Variants in FBXO15 observed in about 807,000 individuals in gnomAD.
FBXO15 encodes F-box protein 15.
Under a neutral mutation model 49.5 loss-of-function variants are expected in FBXO15, and 30 were observed. The ratio of observed to expected loss-of-function variants is 0.61; its 90% CI spans 0.45 to 0.82. The LOEUF is 0.82. Ranked by LOEUF, FBXO15 falls within the 40% of genes least tolerant of loss-of-function variation. FBXO15 has a pLI of 0.00. For synonymous variants in FBXO15, 250 were observed against 232.7 expected (o/e 1.07, Z -0.68); for missense variants, 591 against 631.5 (o/e 0.94, Z 0.69).
chr18:74,084,140 A>C (rs1434787089), intron 8 of FBXO15, among the ~76,000 whole-genome samples: 1 of 152,248 alleles, frequency 6.6e-6, no homozygotes. Context: ...TTTATAATGC[A>C]GATTCAGATT....
intron 9 of FBXO15, among the ~76,000 whole-genome samples, chr18:74,077,161 C>T (rs1444676595): frequency 6.6e-6 from 1 of 152,170 alleles, no homozygotes; most frequent in Non-Finnish European, 1.5e-5. Context: ...CAGCATCGTG[C>T]CCCTGGCCAC....
At chr18:74,096,319 G>C (rs1913271422) in intron 8 of FBXO15, among the ~76,000 whole-genome samples, 1 of 151,818 alleles carries the variant, frequency 6.6e-6, no homozygotes, top group Non-Finnish European at 1.5e-5. Flanking sequence ...CTACAGGATG[G>C]GTGTTCCACT....
intron 2 of FBXO15, 41 bp downstream of exon 2, chr18:74,140,161 C>T: frequency 6.6e-7 from 1 of 1,508,740 alleles, no homozygotes. Context: ...AACCCCATGC[C>T]TAGAGGCCCC....
At chr18:74,103,826 A>G (rs913702964) in intron 8 of FBXO15, among the ~76,000 whole-genome samples, 2 of 152,204 alleles carry the variant, frequency 1.3e-5, no homozygotes, top group Non-Finnish European at 2.9e-5. Flanking sequence ...CACAAACAAA[A>G]GCTGAGGCAA....
At chr18:74,084,728 T>C (rs944521437) in intron 8 of FBXO15, among the ~76,000 whole-genome samples, 1 of 152,180 alleles carries the variant, frequency 6.6e-6, no homozygotes, top group East Asian at 1.9e-4. Flanking sequence ...AGTGACACTG[T>C]ACTGGTAAGC....
chr18:74,123,630 A>C, intron 7 of FBXO15, 120 bp from the exon 8 acceptor site: 1 of 1,046,882 alleles, frequency 9.6e-7, no homozygotes, highest in Non-Finnish European at 1.4e-6. Flanking sequence ...TACAAATGAA[A>C]CTCCATAGGA....
At position 74,078,329 on chromosome 18, in the gene FBXO15, G is replaced by C. The variant is rs570203581; in HGVS notation, c.1263+3598C>G. Among the ~76,000 whole-genome samples the C allele has an allele frequency of 1.3e-3, 188 of 142,758 alleles. 1 individual carries two copies. The highest frequency in any genetic ancestry group is 3.5e-4 in the African/African-American group (13 of 36,964). 93.7% of individuals were successfully genotyped at this position (142,758 alleles called of 152,430 possible). ...CAAATTCTTTCCTGAGGGTTTCAAGGCCCCCCCCCGACCTGCCCCAGCAGC... is the reference window on the plus strand; with the variant it reads ...CAAATTCTTTCCTGAGGGTTTCAAGCCCCCCCCCCGACCTGCCCCAGCAGC... On this transcript the variant is annotated intron_variant, in intron 9 of 9. Coordinates refer to ENST00000419743, the MANE Select transcript of FBXO15 (RefSeq NM_001142958.2).
chr18:74,096,070 T>C lies in FBXO15; in HGVS notation c.1139-14019A>G, dbSNP rs1374656134. Among the ~76,000 whole-genome samples, 7 of 152,242 alleles carry C rather than the reference T, an allele frequency of 4.6e-5. No homozygotes were observed. The East Asian group carries it at 1.2e-3, about 25-fold the overall frequency. Reference sequence around the variant, plus strand: ...TTCCTGCAACTCATGGTCTCCACAATGCAAACCATGAGATTAAGGTGGACA... The same window carrying C: ...TTCCTGCAACTCATGGTCTCCACAACGCAAACCATGAGATTAAGGTGGACA... On this transcript the variant is annotated intron_variant, in intron 8 of 9. Transcript: ENST00000419743.
rs762136079 is a variant in FBXO15, at chr18:74,130,513, T to C, written c.478A>G (p.Thr160Ala). The C allele has an allele frequency of 6.2e-7, 1 of 1,614,184 alleles. No homozygotes were observed. Among genetic ancestry groups the C allele is most frequent in the Non-Finnish European group, 8.5e-7 (1 of 1,180,010 alleles). Residue 160 changes from threonine (T) to alanine (A), a missense_variant, in exon 4 of 10, where the codon ACA becomes GCA. Physicochemically the swap from Thr to Ala is moderately conservative, Grantham distance 58. Transcript: ENST00000419743. ...GCTTTTACAGATGCTATTTGTTTTG[T>C]GATATATTCTTTCTTCCAATAACCA... is the stretch of plus-strand genomic sequence containing the variant. ...EAGYWKKEYI[T>A]KQIASVKAAL... is the part of the protein sequence containing the mutation.
chr18:74,077,761 G>A (rs560990847), intron 9 of FBXO15, among the ~76,000 whole-genome samples: 3 of 152,290 alleles, frequency 2.0e-5, no homozygotes, highest in South Asian at 2.1e-4. Context: ...GAGCCCTCCT[G>A]GAATGGGCAT....
chr18:74,135,926 A>AGGAC, intron 2 of FBXO15, 60 bp from the exon 3 acceptor site: 1 of 1,393,358 alleles, frequency 7.2e-7, no homozygotes, highest in Admixed American at 2.0e-5. Flanking sequence ...TAATCTGCAG[A>AGGAC]TTACCCAGAA....
At chr18:74,134,249 T>C (rs1978575513) in intron 3 of FBXO15, among the ~76,000 whole-genome samples, 1 of 152,198 alleles carries the variant, frequency 6.6e-6, no homozygotes, top group South Asian at 2.1e-4. Context: ...GAGGACAGCT[T>C]TAATGAGATC....
At chr18:74,124,668 A>G (rs1468147200) in intron 6 of FBXO15, 97 bp from the exon 7 acceptor site, 2 of 1,014,586 alleles carry the variant, frequency 2.0e-6, no homozygotes, top group African/African-American at 1.6e-5. Flanking sequence ...TCTTGCAGAT[A>G]GAGGCACTTT....
At position 74,075,762 on chromosome 18, in the gene FBXO15, C is replaced by T. The variant is rs1912232968; in HGVS notation, c.1264-2032G>A. ...TCTACCTCTCCAAATGCATCCAGAA[C>T]CCACAAGCCCTGCAGCTCTCTACCC... is the stretch of plus-strand genomic sequence containing the variant. On this transcript the variant is annotated intron_variant, in intron 9 of 9. Coordinates refer to ENST00000419743, the MANE Select transcript of FBXO15 (RefSeq NM_001142958.2). This position sits in a 1 kb window ranked among gnomAD's most constrained non-coding sequence, Gnocchi z 4.1. 6.6e-6 allele frequency among the ~76,000 whole-genome samples: 1 copy of T among 152,156 alleles called. No individual in the cohort carries two copies. Among genetic ancestry groups the T allele is most frequent in the African/African-American group, 2.4e-5 (1 of 41,432 alleles).
In FBXO15 at chr18:74,081,910, A is replaced by G; in HGVS notation, c.1263+17T>C. 1 of 1,548,646 alleles carries G rather than the reference A, an allele frequency of 6.5e-7. No individual in the cohort carries two copies. The highest frequency in any genetic ancestry group is 2.3e-5 in the East Asian group (1 of 43,888). ...AAATCAAGTTACTTGAAGAAAAGAA[A>G]ACGGTTCTGTTTTTACCTTTATACA... On this transcript the variant is annotated intron_variant, in intron 9 of 9. Transcript: ENST00000419743.
chr18:74,094,606 T>C (rs983007123), intron 8 of FBXO15, among the ~76,000 whole-genome samples: 2 of 152,222 alleles, frequency 1.3e-5, no homozygotes, highest in Non-Finnish European at 1.5e-5. Context: ...AGTGGACTTA[T>C]TCAGTAAACC....
At chr18:74,125,752 C>T (rs146805621) in intron 6 of FBXO15, among the ~76,000 whole-genome samples, 60 of 152,172 alleles carry the variant, frequency 3.9e-4, no homozygotes, top group African/African-American at 1.4e-3. Context: ...AACAGCAGAA[C>T]AACAGATAGC....
chr18:74,129,662 A>T, intron 4 of FBXO15, 48 bp from the exon 5 acceptor site: 1 of 1,507,672 alleles, frequency 6.6e-7, no homozygotes, highest in Non-Finnish European at 9.0e-7. Context: ...TTGAAAAAAA[A>T]AAAATGCTAA....
rs143915935 is a variant in FBXO15 at position 74,074,464 on chromosome 18, T to C, written c.1264-734A>G. Among the ~76,000 whole-genome samples, 245 of 152,294 alleles carry C rather than the reference T, an allele frequency of 1.6e-3. 1 individual carries two copies. Among genetic ancestry groups the C allele is most frequent in the Non-Finnish European group, 2.9e-3 (196 of 68,022 alleles). ...CTCCTCCTCGACTTGACCTCAGTTA[T>C]TCACTCCCACAGTCACATGGCCGAC... On this transcript the variant is annotated intron_variant, in intron 9 of 9. Transcript: ENST00000419743. The surrounding 1 kb of genome is among the most constrained non-coding windows in gnomAD (Gnocchi z 4.7).
Sources: gnomAD v4.1 joint callset for allele counts (sites outside exome capture counted in the v4.1 genomes callset) on GRCh38, gnomAD v4.1.1 for gene constraint, Gnocchi (gnomAD v3.1) non-coding constraint, MANE v1.5 for transcripts, NCBI Gene and HGNC (gene_info 2026-07-23, HGNC 2026-07-21) for gene names.